CNBD1: variants seen among roughly 807,000 people sequenced by gnomAD.
CNBD1 encodes the protein cyclic nucleotide binding domain containing 1, also known as cyclic nucleotide-binding domain-containing protein 1.
Under a neutral mutation model 54.4 loss-of-function variants are expected in CNBD1, and 71 were observed. The observed-to-expected ratio is 1.30, with a 90% CI of 1.08 to 1.59. CNBD1 has a LOEUF of 1.59. CNBD1 is among the 40% of genes most tolerant of loss of function. CNBD1 has a pLI of 0.00. For missense variants in CNBD1, 659 were observed against 518.0 expected (o/e 1.27, Z -2.64); for synonymous variants, 182 against 170.7 (o/e 1.07, Z -0.51).
In CNBD1 at chr8:87,301,625, AC is replaced by A. The variant is rs767826716; in HGVS notation, c.1042+14955del. 3.0e-4 allele frequency among the ~76,000 whole-genome samples: 46 copies of A among 152,242 alleles called. 1 individual carries two copies. Among genetic ancestry groups the A allele is most frequent in the Non-Finnish European group, 6.2e-4 (42 of 67,996 alleles). ...ATACACCACATAAACAGAATTAAAA[AC>A]AAAAATCACAACTAAGAGCAGAACT... On this transcript the variant is annotated intron_variant, in intron 8 of 10. Coordinates refer to ENST00000518476, the MANE Select transcript of CNBD1 (RefSeq NM_173538.3).
At chr8:86,869,946 T>C (rs1808417968) in intron 1 of CNBD1, among the ~76,000 whole-genome samples, 1 of 152,168 alleles carries the variant, frequency 6.6e-6, no homozygotes. Flanking sequence ...GCTGCTACTC[T>C]ATTTTCTTCA....
intron 4 of CNBD1, 80 bp downstream of exon 4, chr8:86,939,834 G>A (rs1809620236): frequency 1.4e-5 from 13 of 930,254 alleles, no homozygotes. Context: ...TATTGTTTGT[G>A]GGTAAGTGTA....
At chr8:87,404,851 A>G (rs1807626961) in intron 2 of CNBD1, among the ~76,000 whole-genome samples, 1 of 151,990 alleles carries the variant, frequency 6.6e-6, no homozygotes, top group Non-Finnish European at 1.5e-5. Flanking sequence ...GTTTTGCAAA[A>G]CTTTCTGAAA....
At chr8:87,100,251 T>C (rs1811401505) in intron 4 of CNBD1, among the ~76,000 whole-genome samples, 6 of 152,212 alleles carry the variant, frequency 3.9e-5, no homozygotes, top group Admixed American at 1.3e-4. Context: ...GTTGTCATGC[T>C]AGCTAATCTG....
intron 2 of CNBD1, among the ~76,000 whole-genome samples, chr8:87,400,199 G>T (rs1807529606): frequency 1.3e-5 from 2 of 151,946 alleles, no homozygotes; most frequent in Non-Finnish European, 2.9e-5. Flanking sequence ...TTCTACCTAA[G>T]TTAACTAGAT....
chr8:87,143,136 C>T (rs1236980595), intron 4 of CNBD1, among the ~76,000 whole-genome samples: 1 of 152,174 alleles, frequency 6.6e-6, no homozygotes, highest in East Asian at 1.9e-4. Flanking sequence ...CCACTAGAAA[C>T]AGGCAACTCA....
At chr8:87,228,250 C>G (rs1040663744) in intron 5 of CNBD1, among the ~76,000 whole-genome samples, 2 of 150,914 alleles carry the variant, frequency 1.3e-5, no homozygotes, top group Admixed American at 6.6e-5. Context: ...TCGTCAAAGT[C>G]CTTCTCCGTC....
rs576862517 is a variant in CNBD1 at position 87,221,757 on chromosome 8, T to C, written c.578-15162T>C. On this transcript the variant is annotated intron_variant, in intron 5 of 10. Coordinates refer to ENST00000518476, the MANE Select transcript of CNBD1 (RefSeq NM_173538.3). Reference sequence around the variant, plus strand: ...ATTTGAAGGCTATTTCAATAGACGCTCTGAGCTCAAAATAAAATGAAATAA... The same window carrying C: ...ATTTGAAGGCTATTTCAATAGACGCCCTGAGCTCAAAATAAAATGAAATAA... Among the ~76,000 whole-genome samples the C allele has an allele frequency of 8.6e-4, 131 of 152,272 alleles. 1 individual carries two copies. Among genetic ancestry groups the C allele is most frequent in the African/African-American group, 3.0e-3 (125 of 41,576 alleles).
intron 6 of CNBD1, among the ~76,000 whole-genome samples, chr8:87,239,920 G>T (rs1807659670): frequency 2.0e-5 from 3 of 151,916 alleles, no homozygotes; most frequent in Admixed American, 2.0e-4. Context: ...TTATTTACAA[G>T]ATCACCAACT....
chr8:87,377,484 A>T (rs1217493343), intron 10 of CNBD1, among the ~76,000 whole-genome samples: 5 of 151,942 alleles, frequency 3.3e-5, no homozygotes, highest in Non-Finnish European at 7.3e-5. Context: ...ACATGAACTC[A>T]TCATTTTGTA....
At chr8:86,893,654 G>GA (rs374325919) in intron 2 of CNBD1, among the ~76,000 whole-genome samples, 5 of 151,464 alleles carry the variant, frequency 3.3e-5, no homozygotes, top group African/African-American at 4.9e-5. Context: ...TAAACTCCTG[G>GA]AAAAAAAAGC....
intron 4 of CNBD1, among the ~76,000 whole-genome samples, chr8:87,080,594 G>T (rs1810971195): frequency 6.6e-6 from 1 of 151,642 alleles, no homozygotes; most frequent in Non-Finnish European, 1.5e-5. Flanking sequence ...ATAGATTTTT[G>T]ATTTCCCTTT....
At chr8:87,242,980 C>G (rs984900932) in intron 6 of CNBD1, among the ~76,000 whole-genome samples, 21 of 152,124 alleles carry the variant, frequency 1.4e-4, no homozygotes, top group African/African-American at 5.1e-4. Context: ...TAAAATCAAC[C>G]TGCTGCCAGT....
At chr8:87,373,652 T>C (rs1008353051) in intron 10 of CNBD1, among the ~76,000 whole-genome samples, 2 of 151,744 alleles carry the variant, frequency 1.3e-5, no homozygotes, top group Non-Finnish European at 2.9e-5. Flanking sequence ...TGAAAGAAAA[T>C]TACAATAAAT....
At chr8:87,053,472 G>T (rs1231529191) in intron 4 of CNBD1, among the ~76,000 whole-genome samples, 1 of 152,162 alleles carries the variant, frequency 6.6e-6, no homozygotes, top group South Asian at 2.1e-4. Flanking sequence ...AAAAGAGAAG[G>T]CATTCCTTAG....
chr8:86,936,052 A>G (rs1809541803), intron 3 of CNBD1, among the ~76,000 whole-genome samples: 1 of 151,990 alleles, frequency 6.6e-6, no homozygotes, highest in Non-Finnish European at 1.5e-5. Flanking sequence ...AGGTGGGAGG[A>G]TTGCATGAGC....
At chr8:87,060,271 A>G (rs1657261581) in intron 4 of CNBD1, among the ~76,000 whole-genome samples, 1 of 152,172 alleles carries the variant, frequency 6.6e-6, no homozygotes, top group South Asian at 2.1e-4. Context: ...CACAATAAAT[A>G]CGTTATTTTA....
intron 8 of CNBD1, among the ~76,000 whole-genome samples, chr8:87,346,478 T>C (rs907632211): frequency 6.6e-6 from 1 of 152,068 alleles, no homozygotes; most frequent in Non-Finnish European, 1.5e-5. Flanking sequence ...ATTGGCCAAT[T>C]ATGAATCTCT....
intron 2 of CNBD1, among the ~76,000 whole-genome samples, chr8:86,901,452 A>G (rs76549770): frequency 0.091 from 13,864 of 152,240 alleles, 897 homozygotes; most frequent in African/African-American, 0.19. Context: ...TAATCAATAA[A>G]TATCTTATTA....
Sources: gnomAD v4.1 joint callset for allele counts (sites outside exome capture counted in the v4.1 genomes callset) on GRCh38, gnomAD v4.1.1 for gene constraint, MANE v1.5 for transcripts, NCBI Gene and HGNC (gene_info 2026-07-23, HGNC 2026-07-21) for gene names.